The following FSHR variants were observed in gnomAD, a reference collection of about 807,000 sequenced individuals.
The protein encoded by FSHR is follicle stimulating hormone receptor.
Under a neutral mutation model 52.1 loss-of-function variants are expected in FSHR, and 46 were observed. That is an observed-to-expected ratio of 0.88 (90% CI 0.70 to 1.13). FSHR has a LOEUF of 1.13. Ranked by LOEUF, FSHR falls within the 50% of genes most tolerant of loss-of-function variation. The probability of loss-of-function intolerance (pLI) is 0.00; values close to 1 mark genes in which losing one functional copy is unlikely to be tolerated. For missense variants in FSHR, 964 were observed against 834.6 expected (o/e 1.16, Z -1.91); for synonymous variants, 399 against 309.6 (o/e 1.29, Z -3.03).
chr2:48,997,436 G>C (rs1676072255), intron 4 of FSHR: 1 of 966,318 alleles, frequency 1.0e-6, no homozygotes, highest in African/African-American at 1.8e-5. Flanking sequence ...TGCAGATTCT[G>C]TTCGGACCTA....
At chr2:49,004,353 C>T (rs1193118595) in intron 4 of FSHR, among the ~76,000 whole-genome samples, 1 of 152,180 alleles carries the variant, frequency 6.6e-6, no homozygotes, top group Non-Finnish European at 1.5e-5. Context: ...ACTGCTTCTG[C>T]AAGATCTCAG....
chr2:49,091,133 AT>A lies in FSHR; in HGVS notation c.153-22844del, dbSNP rs77991770. On this transcript the variant is annotated intron_variant, in intron 1 of 9. Transcript: ENST00000406846. ...ACATTTCGATGAAGTCCAACTTACC[AT>A]TTTTTTTTTAATGGATTGTGTTTTT... 4.6e-3 allele frequency among the ~76,000 whole-genome samples: 679 copies of A among 148,126 alleles called. 4 individuals are homozygous for A. The highest frequency in any genetic ancestry group is 0.015 in the African/African-American group (621 of 40,302).
intron 4 of FSHR, among the ~76,000 whole-genome samples, chr2:49,007,203 ATAGC>A (rs1332421969): frequency 1.3e-5 from 2 of 152,048 alleles, no homozygotes; most frequent in Admixed American, 1.3e-4. Flanking sequence ...AGAAGTAAAC[ATAGC>A]TAAGCACGAA....
intron 2 of FSHR, among the ~76,000 whole-genome samples, chr2:49,045,303 A>T (rs57455496): frequency 0.062 from 9,453 of 152,232 alleles, 344 homozygotes; most frequent in African/African-American, 0.08. Context: ...GAGCTGGTTT[A>T]GGCAGACAAA....
chr2:49,127,812 T>TTCCTCTTCCTCTTCCTCTTCCTCTTCC (rs1672083007), intron 1 of FSHR, among the ~76,000 whole-genome samples: 1 of 56,498 alleles, frequency 1.8e-5, no homozygotes, highest in African/African-American at 7.6e-5. Context: ...CTTCTTCTTC[T>TTCCTCTTCCTCTTCCTCTTCCTCTTCC]TCTTCTTCTT....
intron 1 of FSHR, among the ~76,000 whole-genome samples, chr2:49,131,453 A>C (rs564240415): frequency 9.2e-5 from 14 of 152,302 alleles, no homozygotes; most frequent in African/African-American, 3.4e-4. Flanking sequence ...TAAATAATCA[A>C]TTATTTGCTG....
chr2:49,125,088 A>G (rs1671952119), intron 1 of FSHR, among the ~76,000 whole-genome samples: 1 of 152,164 alleles, frequency 6.6e-6, no homozygotes, highest in African/African-American at 2.4e-5. Flanking sequence ...CCTTCAACAT[A>G]TATAGTCTTT....
chr2:49,145,748 A>C (rs1330913729), intron 1 of FSHR, among the ~76,000 whole-genome samples: 1 of 151,980 alleles, frequency 6.6e-6, no homozygotes, highest in African/African-American at 2.4e-5. Flanking sequence ...TGCCTTTCCT[A>C]TTGATTGTTT....
chr2:49,041,845 AGCCT>A (rs2104283379), intron 2 of FSHR, among the ~76,000 whole-genome samples: 1 of 152,200 alleles, frequency 6.6e-6, no homozygotes, highest in African/African-American at 2.4e-5. Flanking sequence ...CAATGATAGT[AGCCT>A]AAAGTACCTT....
At chr2:49,022,019 A>C (rs1476021912) in intron 2 of FSHR, among the ~76,000 whole-genome samples, 1 of 150,774 alleles carries the variant, frequency 6.6e-6, no homozygotes, top group African/African-American at 2.4e-5. Context: ...GGAGGGGGAA[A>C]GGGATGGAAG....
At chr2:49,008,647 T>C (rs1379001908) in intron 4 of FSHR, among the ~76,000 whole-genome samples, 2 of 141,416 alleles carry the variant, frequency 1.4e-5, no homozygotes, top group Non-Finnish European at 3.1e-5. Context: ...CCACCAACAG[T>C]GTAAAAGTGT....
At chr2:49,044,690 A>C (rs1018272033) in intron 2 of FSHR, among the ~76,000 whole-genome samples, 1 of 149,462 alleles carries the variant, frequency 6.7e-6, no homozygotes. Context: ...CTTTCATTTC[A>C]CCTCCCCCAA....
intron 4 of FSHR, 122 bp downstream of exon 4, chr2:49,017,367 T>C: frequency 1.4e-6 from 1 of 709,450 alleles, no homozygotes; most frequent in Non-Finnish European, 2.5e-6. Context: ...CCTCCACTTC[T>C]GCCCCCCACC....
chr2:49,028,869 C>T (rs1050017657), intron 2 of FSHR, among the ~76,000 whole-genome samples: 1 of 152,116 alleles, frequency 6.6e-6, no homozygotes, highest in Non-Finnish European at 1.5e-5. Context: ...CCAGACCACT[C>T]GATGAGAAAG....
chr2:48,983,470 A>G (rs998481169), intron 6 of FSHR, among the ~76,000 whole-genome samples: 1 of 152,236 alleles, frequency 6.6e-6, no homozygotes, highest in African/African-American at 2.4e-5. Flanking sequence ...CTTTACACAC[A>G]TCATTTGTGT....
intron 1 of FSHR, among the ~76,000 whole-genome samples, chr2:49,123,183 T>C (rs547507530): frequency 6.6e-6 from 1 of 152,276 alleles, no homozygotes; most frequent in Non-Finnish European, 1.5e-5. Flanking sequence ...ATTTCATGTC[T>C]CAAAATAGCT....
intron 1 of FSHR, among the ~76,000 whole-genome samples, chr2:49,141,470 A>G (rs1032369891): frequency 4.7e-4 from 71 of 151,940 alleles, no homozygotes; most frequent in Admixed American, 3.9e-4. Flanking sequence ...GGGAGATACC[A>G]CACTTTACAA....
At chr2:49,104,542 T>A (rs959916176) in intron 1 of FSHR, among the ~76,000 whole-genome samples, 3 of 152,188 alleles carry the variant, frequency 2.0e-5, no homozygotes, top group Non-Finnish European at 4.4e-5. Flanking sequence ...TTTCTTTGCA[T>A]TCTAGTCAAG....
Position 48,988,825 on chromosome 2 carries a change from T to C in FSHR, c.524+152A>G, listed in dbSNP as rs1043866355. 5 of 688,544 alleles carry C rather than the reference T, an allele frequency of 7.3e-6. No individual in the cohort carries two copies. The African/African-American group carries it at 8.9e-5, about 12-fold the overall frequency. 42.7% of individuals were successfully genotyped at this position (688,544 alleles called of 1,614,324 possible). ...GACTCCACATTGTGATTCTGAAATG[T>C]AAAGATGAGAGAGGAACGCAGAACT... On this transcript the variant is annotated intron_variant, in intron 6 of 9. Transcript: ENST00000406846.
Sources: allele counts gnomAD v4.1 joint callset (sites outside exome capture counted in the v4.1 genomes callset), GRCh38; gene constraint gnomAD v4.1.1; transcripts MANE v1.5; gene names NCBI Gene and HGNC (gene_info 2026-07-23, HGNC 2026-07-21).